Variants in SEZ6L observed in about 807,000 individuals in gnomAD.
SEZ6L encodes the protein seizure 6-like protein.
In SEZ6L, 37 loss-of-function variants were observed where a neutral mutation model predicts 106.2. The ratio of observed to expected loss-of-function variants is 0.35; its 90% CI spans 0.27 to 0.46. The LOEUF (loss-of-function observed/expected upper bound fraction) is 0.46, where lower values mean the gene tolerates loss of function less well. SEZ6L is among the 20% of genes least tolerant of loss of function. The pLI is 1.00. For synonymous variants in SEZ6L, 541 were observed against 570.4 expected (o/e 0.95, Z 0.73); for missense variants, 1,172 against 1,332.8 (o/e 0.88, Z 1.88).
intron 11 of SEZ6L, among the ~76,000 whole-genome samples, chr22:26,349,156 G>A (rs760052165): frequency 3.3e-5 from 5 of 152,044 alleles, no homozygotes; most frequent in Non-Finnish European, 7.4e-5. Context: ...TCCATGCTGG[G>A]TCTCTCACTT....
At chr22:26,195,803 AGTTT>A (rs1172459566) in intron 1 of SEZ6L, among the ~76,000 whole-genome samples, 2 of 151,700 alleles carry the variant, frequency 1.3e-5, no homozygotes, top group Non-Finnish European at 2.9e-5. Flanking sequence ...ATATATATAT[AGTTT>A]GTGTGTGTGT....
intron 9 of SEZ6L, among the ~76,000 whole-genome samples, chr22:26,322,397 C>T (rs545319796): frequency 6.6e-6 from 1 of 152,266 alleles, no homozygotes; most frequent in African/African-American, 2.4e-5. Context: ...GGGAAGGCTC[C>T]CAGGCCTGTA....
chr22:26,190,178 G>C (rs927976403), intron 1 of SEZ6L, among the ~76,000 whole-genome samples: 5 of 151,918 alleles, frequency 3.3e-5, no homozygotes, highest in African/African-American at 4.8e-5. Flanking sequence ...TGACCATTTG[G>C]AAGTTTTTAT....
chr22:26,235,529 G>A (rs1036198642), intron 1 of SEZ6L, among the ~76,000 whole-genome samples: 3 of 152,092 alleles, frequency 2.0e-5, no homozygotes, highest in African/African-American at 4.8e-5. Flanking sequence ...GGGAAGCACC[G>A]AGGCTGTGGG....
rs1491428743 is a variant in SEZ6L, at chr22:26,324,102, A to AC, written c.2015+10200_2015+10201insC. Among the ~76,000 whole-genome samples, 622 of 140,956 alleles carry AC rather than the reference A, an allele frequency of 4.4e-3. 5 individuals carry two copies. The highest frequency in any genetic ancestry group is 0.012 in the East Asian group (59 of 5,014). The allele number at this position is 140,956 out of a possible 152,430, so 92.5% of individuals were successfully genotyped here. A position where few individuals can be genotyped will look rare whatever the true frequency, so the allele number is the denominator to read the frequency against. ...CACACACACACACACACACACACAC[A>AC]AACACACACACACACACAAACGGTA... is the stretch of plus-strand genomic sequence containing the variant. On this transcript the variant is annotated intron_variant, in intron 9 of 16. Transcript: ENST00000248933.
At chr22:26,288,565 T>A (rs1179382775) in intron 1 of SEZ6L, among the ~76,000 whole-genome samples, 1 of 152,180 alleles carries the variant, frequency 6.6e-6, no homozygotes, top group East Asian at 1.9e-4. Flanking sequence ...AAACCAAGAT[T>A]TGAAACCCAG....
At chr22:26,247,727 T>C (rs1252497591) in intron 1 of SEZ6L, among the ~76,000 whole-genome samples, 2 of 152,172 alleles carry the variant, frequency 1.3e-5, no homozygotes, top group African/African-American at 2.4e-5. Context: ...AGCTAGATGG[T>C]GGTAATTTGT....
chr22:26,367,081 G>C (rs1024635290), intron 13 of SEZ6L, among the ~76,000 whole-genome samples: 1 of 152,056 alleles, frequency 6.6e-6, no homozygotes, highest in African/African-American at 2.4e-5. Context: ...TAAAGCATCA[G>C]GGATGCAGAA....
intron 1 of SEZ6L, among the ~76,000 whole-genome samples, chr22:26,205,302 A>G (rs1427727868): frequency 1.3e-5 from 2 of 152,220 alleles, no homozygotes; most frequent in Non-Finnish European, 2.9e-5. Flanking sequence ...AGTGACGTAC[A>G]TGCATCAGGA....
At chr22:26,327,284 C>T (rs2082337190) in intron 9 of SEZ6L, among the ~76,000 whole-genome samples, 2 of 140,950 alleles carry the variant, frequency 1.4e-5, no homozygotes, top group African/African-American at 5.0e-5. Flanking sequence ...ACACACACCA[C>T]CCCACACATA....
intron 1 of SEZ6L, among the ~76,000 whole-genome samples, chr22:26,175,952 T>G (rs1357949738): frequency 1.3e-5 from 2 of 152,242 alleles, no homozygotes; most frequent in Non-Finnish European, 2.9e-5. Flanking sequence ...AGGAAGTAAG[T>G]GCTGGCATGG....
chr22:26,309,441 T>C (rs753152107), intron 6 of SEZ6L, among the ~76,000 whole-genome samples: 1 of 152,212 alleles, frequency 6.6e-6, no homozygotes, highest in Non-Finnish European at 1.5e-5. Flanking sequence ...TAAGACTTAA[T>C]GTAAATCCAG....
chr22:26,341,457 G>A (rs1225742732), intron 10 of SEZ6L, among the ~76,000 whole-genome samples: 2 of 151,908 alleles, frequency 1.3e-5, no homozygotes, highest in African/African-American at 4.8e-5. Context: ...GCTCCATCCT[G>A]GACTGTATCC....
At chr22:26,314,375 G>A (rs973402629) in intron 9 of SEZ6L, among the ~76,000 whole-genome samples, 15 of 152,202 alleles carry the variant, frequency 9.9e-5, no homozygotes, top group African/African-American at 3.6e-4. Flanking sequence ...AAGGCCCTGT[G>A]GCAAGCATCT....
rs1601610701 is a variant in SEZ6L at position 26,360,462 on chromosome 22, A to G, written c.2600-4910A>G. Reference sequence around the variant, plus strand: ...GCTCATCATTGTATGCCCGGCGCATACAATGCCTGGCACACAGAAGGTGTC... The same window carrying G: ...GCTCATCATTGTATGCCCGGCGCATGCAATGCCTGGCACACAGAAGGTGTC... On this transcript the variant is annotated intron_variant, in intron 12 of 16. Transcript: ENST00000248933. Among the ~76,000 whole-genome samples, 3 of 152,342 alleles carry G rather than the reference A, an allele frequency of 2.0e-5. No individual in the cohort carries two copies. In the East Asian group the frequency reaches 5.8e-4, roughly 29 times the overall value.
chr22:26,208,524 C>T (rs541506459), intron 1 of SEZ6L, among the ~76,000 whole-genome samples: 55 of 152,222 alleles, frequency 3.6e-4, no homozygotes, highest in South Asian at 1.2e-3. Flanking sequence ...TGGCTTCTGG[C>T]TTCCATAATT....
Position 26,310,756 on chromosome 22 carries a change from T to G in SEZ6L, c.1601T>G (p.Leu534Arg). ...QTESVPFEGL[L>R]SEGNTIRIEF... ...GAGAGTGTCCCTTTTGAGGGCCTGCTGAGCGAAGGCAACACCATCCGCATC... is the reference window on the plus strand; with the variant it reads ...GAGAGTGTCCCTTTTGAGGGCCTGCGGAGCGAAGGCAACACCATCCGCATC... Residue 534 changes from leucine (L) to arginine (R), a missense_variant, in exon 7 of 17, where the codon CTG becomes CGG. This residue lies in a region of SEZ6L where 534 missense variants were observed against 691.0 expected (regional missense o/e 0.77). Coordinates refer to ENST00000248933, the MANE Select transcript of SEZ6L (RefSeq NM_021115.5). 6.2e-7 allele frequency: 1 copy of G among 1,614,112 alleles called. No individual in the cohort carries two copies. Among genetic ancestry groups the G allele is most frequent in the Non-Finnish European group, 8.5e-7 (1 of 1,180,006 alleles).
intron 1 of SEZ6L, among the ~76,000 whole-genome samples, chr22:26,287,558 G>A (rs900243920): frequency 6.6e-6 from 1 of 152,054 alleles, no homozygotes; most frequent in African/African-American, 2.4e-5. Context: ...AGGCTATTGG[G>A]GCAAGTTATA....
chr22:26,205,559 G>A lies in SEZ6L; in HGVS notation c.94+35796G>A, dbSNP rs555121556. 2.1e-4 allele frequency among the ~76,000 whole-genome samples: 32 copies of A among 151,872 alleles called. No individual in the cohort carries two copies. In the South Asian group the frequency reaches 6.7e-3, roughly 32 times the overall value. On this transcript the variant is annotated intron_variant, in intron 1 of 16. Coordinates refer to ENST00000248933, the MANE Select transcript of SEZ6L (RefSeq NM_021115.5). ...TGCTGTTTCTGTAAGTGTGAGTCCT[G>A]GACCACCTACATCAGAATCACCCAG... is the stretch of plus-strand genomic sequence containing the variant.
Sources: allele counts gnomAD v4.1 joint callset (sites outside exome capture counted in the v4.1 genomes callset), GRCh38; gene constraint gnomAD v4.1.1; regional missense constraint gnomAD v4.1.1; transcripts MANE v1.5; gene names NCBI Gene and HGNC (gene_info 2026-07-23, HGNC 2026-07-21).